Variants in GRIA3 observed in about 807,000 individuals in gnomAD.
GRIA3 encodes the protein glutamate ionotropic receptor AMPA type subunit 3, also known as glutamate receptor 3.
In GRIA3, 3 loss-of-function variants were observed where a neutral mutation model predicts 63.0. That is an observed-to-expected ratio of 0.05 (90% CI 0.02 to 0.12). GRIA3 has a LOEUF of 0.12. Ranked by LOEUF, GRIA3 falls within the 10% of genes least tolerant of loss-of-function variation. The probability of loss-of-function intolerance (pLI) is 1.00; values close to 1 mark genes in which losing one functional copy is unlikely to be tolerated. For missense variants in GRIA3, 347 were observed against 700.9 expected (o/e 0.50, Z 5.70); for synonymous variants, 274 against 257.9 (o/e 1.06, Z -0.60).
chrX:123,477,877 T>C (rs2045894149), intron 13 of GRIA3, among the ~76,000 whole-genome samples: 1 of 111,464 alleles, frequency 9.0e-6, no homozygotes, highest in South Asian at 3.8e-4. Context: ...AAGAACATAT[T>C]ACCGGGAGGG....
intron 7 of GRIA3, among the ~76,000 whole-genome samples, chrX:123,400,348 A>G (rs759332724): frequency 9.0e-6 from 1 of 111,486 alleles, no homozygotes; most frequent in African/African-American, 3.3e-5. Flanking sequence ...AACCAAAACA[A>G]TACATTACCT....
intron 4 of GRIA3, among the ~76,000 whole-genome samples, chrX:123,343,258 C>G (rs895078852): frequency 3.6e-5 from 4 of 111,261 alleles, no homozygotes; most frequent in Non-Finnish European, 7.5e-5. Flanking sequence ...AGGTTTTTAT[C>G]CAGGGCATCT....
chrX:123,421,239 G>A (rs949248766), intron 11 of GRIA3, among the ~76,000 whole-genome samples: 15 of 111,476 alleles, frequency 1.3e-4, no homozygotes, highest in Admixed American at 3.8e-4. Flanking sequence ...TGTGTCTTTC[G>A]AAATAAATTA....
intron 2 of GRIA3, among the ~76,000 whole-genome samples, chrX:123,247,113 C>A (rs1305325558): frequency 8.9e-6 from 1 of 111,961 alleles, no homozygotes; most frequent in African/African-American, 3.2e-5. Context: ...TGTGATGTAG[C>A]TCTATGAGTT....
chrX:123,424,232 A>C (rs944192125), intron 11 of GRIA3, among the ~76,000 whole-genome samples: 5 of 112,181 alleles, frequency 4.5e-5, no homozygotes, highest in African/African-American at 1.6e-4. Flanking sequence ...TCTTATTTTA[A>C]TAGATCCTTT....
At chrX:123,344,114 G>A (rs940596448) in intron 4 of GRIA3, among the ~76,000 whole-genome samples, 4 of 112,083 alleles carry the variant, frequency 3.6e-5, no homozygotes, top group African/African-American at 1.3e-4. Flanking sequence ...TCTGACTCCA[G>A]AGTGCACTCT....
rs777574280 is a variant in GRIA3, at chrX:123,465,044, G to C, written c.2256G>C (p.Thr752=). Residue 752 remains threonine (T), a synonymous_variant, in exon 13 of 16, where the codon ACG becomes ACC. Coordinates refer to ENST00000620443, the MANE Select transcript of GRIA3 (RefSeq NM_007325.5). ...TTGAGCAGAGAAAACCATGTGATAC[G>C]ATGAAAGTTGGTGGAAATCTGGATT... ...EYIEQRKPCD[T]MKVGGNLDSK... The C allele has an allele frequency of 5.8e-6, 7 of 1,208,586 alleles. No individual in the cohort carries two copies. The South Asian group carries it at 1.2e-4, about 21-fold the overall frequency.
At chrX:123,264,054 G>A (rs1417011775) in intron 3 of GRIA3, among the ~76,000 whole-genome samples, 1 of 112,146 alleles carries the variant, frequency 8.9e-6, no homozygotes, top group East Asian at 2.8e-4. Flanking sequence ...GGGAAACAGA[G>A]ATGTTTGGAA....
At chrX:123,369,668 A>G (rs752688720) in intron 5 of GRIA3, among the ~76,000 whole-genome samples, 134 of 112,745 alleles carry the variant, frequency 1.2e-3, no homozygotes, top group African/African-American at 4.1e-3. Flanking sequence ...TCTGCCTCTC[A>G]GCCAGCAACT....
intron 13 of GRIA3, among the ~76,000 whole-genome samples, chrX:123,479,422 C>T (rs2045901992): frequency 8.9e-6 from 1 of 111,860 alleles, no homozygotes; most frequent in Admixed American, 9.4e-5. Flanking sequence ...ATACTAAGAC[C>T]AGTATGTGCA....
intron 12 of GRIA3, among the ~76,000 whole-genome samples, chrX:123,437,977 G>GT (rs1306908067): frequency 1.8e-5 from 2 of 111,701 alleles, no homozygotes; most frequent in East Asian, 5.6e-4. Context: ...CACATTATTA[G>GT]TTTTTTTAAG....
chrX:123,379,620 G>GT (rs369507360), intron 5 of GRIA3, among the ~76,000 whole-genome samples: 22,260 of 67,845 alleles, frequency 0.33, 3,489 homozygotes, highest in Non-Finnish European at 0.39. Context: ...CTAGCAACTT[G>GT]TTTTTTTTTT....
intron 12 of GRIA3, among the ~76,000 whole-genome samples, chrX:123,454,500 A>G (rs975698565): frequency 1.8e-5 from 2 of 111,353 alleles, no homozygotes; most frequent in Non-Finnish European, 3.8e-5. Flanking sequence ...TCCATATAGC[A>G]GAGTTTCTCA....
At chrX:123,312,625 C>T (rs749105081) in intron 3 of GRIA3, among the ~76,000 whole-genome samples, 1 of 111,785 alleles carries the variant, frequency 8.9e-6, no homozygotes, top group South Asian at 3.8e-4. Context: ...CTTTAACACA[C>T]AAACTTGTTT....
chrX:123,452,362 C>G (rs35999591), intron 12 of GRIA3, among the ~76,000 whole-genome samples: 1 of 101,118 alleles, frequency 9.9e-6, no homozygotes, highest in African/African-American at 3.6e-5. Flanking sequence ...ACTCCCCCCC[C>G]AAAAAAAAAA....
chrX:123,197,238 T>C (rs1330138704), intron 2 of GRIA3, among the ~76,000 whole-genome samples: 1 of 112,094 alleles, frequency 8.9e-6, no homozygotes, highest in Non-Finnish European at 1.9e-5. Flanking sequence ...TCTTTGACAT[T>C]CTATCCACTG....
At chrX:123,247,588 T>C (rs1192197584) in intron 2 of GRIA3, among the ~76,000 whole-genome samples, 1 of 111,513 alleles carries the variant, frequency 9.0e-6, no homozygotes, top group Non-Finnish European at 1.9e-5. Flanking sequence ...ACCAAGCTAT[T>C]TCACACTGAG....
In GRIA3 at chrX:123,464,955, G is replaced by A; in HGVS notation, c.2167G>A (p.Ala723Thr). 8.3e-7 allele frequency: 1 copy of A among 1,209,757 alleles called. No individual in the cohort carries two copies. Among genetic ancestry groups the A allele is most frequent in the East Asian group, 3.0e-5 (1 of 33,801 alleles). Residue 723 changes from alanine to threonine, a missense_variant, in exon 13 of 16, where the codon GCC (alanine) becomes ACC (threonine). Ala to Thr is a moderately conservative substitution (Grantham distance 58). Transcript: ENST00000620443. The stretch of plus-strand genomic sequence containing the variant: ...TACCAAAACAACAGCAGACGGAGTG[G>A]CCCGAGTGCGAAAGTCCAAGGGAAA... ...VFTKTTADGVARVRKSKGKFA... is the reference protein window; with the variant it reads ...VFTKTTADGVTRVRKSKGKFA...
intron 2 of GRIA3, among the ~76,000 whole-genome samples, chrX:123,226,376 C>A (rs2044247167): frequency 9.0e-6 from 1 of 111,615 alleles, no homozygotes; most frequent in Admixed American, 9.5e-5. Flanking sequence ...CCAAGTATTC[C>A]CAGGTATACC....
Sources: allele counts gnomAD v4.1 joint callset (sites outside exome capture counted in the v4.1 genomes callset), GRCh38; gene constraint gnomAD v4.1.1; transcripts MANE v1.5; gene names NCBI Gene and HGNC (gene_info 2026-07-23, HGNC 2026-07-21).